The following PHACTR3 variants were observed in gnomAD, a reference collection of about 807,000 sequenced individuals.
The protein encoded by PHACTR3 is phosphatase and actin regulator 3.
In PHACTR3, 16 loss-of-function variants were observed where a neutral mutation model predicts 66.8. That is an observed-to-expected ratio of 0.24 (90% CI 0.16 to 0.36). The LOEUF (loss-of-function observed/expected upper bound fraction) is 0.36. Among genes scored for constraint, PHACTR3 ranks in the 10% least tolerant of loss-of-function variants. The probability of loss-of-function intolerance (pLI) is 1.00; values close to 1 mark genes in which losing one functional copy is unlikely to be tolerated. For synonymous variants in PHACTR3, 323 were observed against 292.1 expected, an observed-to-expected ratio of 1.11 and a Z score of -1.08; for missense variants, 647 against 719.9, an observed-to-expected ratio of 0.90 and a Z score of 1.16.
intron 1 of PHACTR3, among the ~76,000 whole-genome samples, chr20:59,648,722 T>C (rs1006773007): frequency 6.6e-6 from 1 of 152,170 alleles, no homozygotes; most frequent in Non-Finnish European, 1.5e-5. Context: ...GCCATGTCCT[T>C]TTGGCACTAA....
intron 9 of PHACTR3, 21 bp from the exon 10 acceptor site, chr20:59,840,348 T>C (rs1568875433): frequency 1.9e-6 from 3 of 1,597,624 alleles, no homozygotes; most frequent in African/African-American, 2.7e-5. Flanking sequence ...ATTTTTTTTT[T>C]CCTATTTTAA....
At chr20:59,780,969 G>T (rs1425173680) in intron 7 of PHACTR3, among the ~76,000 whole-genome samples, 1 of 152,178 alleles carries the variant, frequency 6.6e-6, no homozygotes, top group African/African-American at 2.4e-5. Flanking sequence ...CATCATCACT[G>T]TGGTTAAGGA....
intron 1 of PHACTR3, among the ~76,000 whole-genome samples, chr20:59,625,528 G>T (rs1332626762): frequency 6.6e-6 from 1 of 152,178 alleles, no homozygotes; most frequent in African/African-American, 2.4e-5. Context: ...AAAATTAAGA[G>T]ATATCATTTG....
At chr20:59,776,003 G>A (rs1038560445) in intron 7 of PHACTR3, among the ~76,000 whole-genome samples, 3 of 152,202 alleles carry the variant, frequency 2.0e-5, no homozygotes, top group African/African-American at 7.2e-5. Context: ...TTGGCCAGAT[G>A]CCCCTGAGGG....
In PHACTR3 at chr20:59,643,046, G is replaced by A. The variant is rs563349698; in HGVS notation, c.118+37914G>A. ...CCTGCCTCAGCTTCCTGAGTAGCTG[G>A]GACTACAGGTGCCCGCCACCATGCC... On this transcript the variant is annotated intron_variant, in intron 1 of 12. Transcript: ENST00000371015. Among the ~76,000 whole-genome samples, 3 of 152,228 alleles carry A rather than the reference G, an allele frequency of 2.0e-5. No homozygotes were observed. The South Asian group carries it at 6.2e-4, about 32-fold the overall frequency.
intron 1 of PHACTR3, among the ~76,000 whole-genome samples, chr20:59,690,439 C>T (rs1334347394): frequency 6.6e-6 from 1 of 152,210 alleles, no homozygotes; most frequent in Non-Finnish European, 1.5e-5. Context: ...CTGGTTTGCT[C>T]TCTCTCTTCC....
chr20:59,778,620 G>A lies in PHACTR3; in HGVS notation c.1174+4130G>A, dbSNP rs373549914. ...GCCTCTCTACCAGCACATGGGCTCC[G>A]CGAGACCAAGTCTTCGCCTCTGTAG... On this transcript the variant is annotated intron_variant, in intron 7 of 12. Transcript: ENST00000371015. 6.0e-4 allele frequency among the ~76,000 whole-genome samples: 92 copies of A among 152,324 alleles called. 2 individuals carry two copies. The South Asian group carries it at 0.017, about 28-fold the overall frequency.
chr20:59,683,072 G>A (rs1037143315), intron 1 of PHACTR3, among the ~76,000 whole-genome samples: 6 of 152,218 alleles, frequency 3.9e-5, no homozygotes, highest in Non-Finnish European at 5.9e-5. Flanking sequence ...GGTTGTGGAC[G>A]TGGACACTTC....
At chr20:59,844,335 G>C (rs920342162) in intron 11 of PHACTR3, 5 of 152,068 alleles carry the variant, frequency 3.3e-5, no homozygotes, top group Non-Finnish European at 7.4e-5. Flanking sequence ...AATCAAATCA[G>C]TACATTGAAG....
intron 7 of PHACTR3, among the ~76,000 whole-genome samples, chr20:59,800,475 G>C (rs1156230938): frequency 1.3e-5 from 2 of 152,004 alleles, no homozygotes; most frequent in Non-Finnish European, 2.9e-5. Flanking sequence ...CTTTGTAATT[G>C]TTGCTCCACT....
chr20:59,786,372 A>G lies in PHACTR3; in HGVS notation c.1174+11882A>G, dbSNP rs565148007. On this transcript the variant is annotated intron_variant, in intron 7 of 12. Transcript: ENST00000371015. ...ATTACTTTGAGAACCTGACAACTCA[A>G]TGATGTGAGATTGCCTACTCCAAGG... 3.3e-5 allele frequency among the ~76,000 whole-genome samples: 5 copies of G among 152,290 alleles called. No individual in the cohort carries two copies. In the South Asian group the frequency reaches 6.2e-4, roughly 19 times the overall value.
Position 59,780,704 on chromosome 20 carries a change from C to T in PHACTR3, c.1174+6214C>T, listed in dbSNP as rs572111442. Among the ~76,000 whole-genome samples the T allele has an allele frequency of 1.3e-4, 20 of 152,306 alleles. No homozygotes were observed. The East Asian group carries it at 3.3e-3, about 25-fold the overall frequency. ...CTGTCTGTGCAGCTGGGTGGGCCTC[C>T]GTCTCTGGGGCTTACTCTGCGTAGA... On this transcript the variant is annotated intron_variant, in intron 7 of 12. Coordinates refer to ENST00000371015, the MANE Select transcript of PHACTR3 (RefSeq NM_080672.5).
chr20:59,840,283 C>G, intron 9 of PHACTR3, 86 bp from the exon 10 acceptor site: 2 of 1,523,194 alleles, frequency 1.3e-6, no homozygotes, highest in Non-Finnish European at 1.8e-6. Flanking sequence ...ATATGGATAT[C>G]TTGGGAACAC....
At chr20:59,620,907 C>T (rs761923582) in intron 1 of PHACTR3, among the ~76,000 whole-genome samples, 14 of 152,310 alleles carry the variant, frequency 9.2e-5, no homozygotes, top group Admixed American at 4.6e-4. Context: ...GCTTCCCCCA[C>T]GCTCCCATGT....
intron 4 of PHACTR3, among the ~76,000 whole-genome samples, chr20:59,763,314 C>T (rs1334517360): frequency 6.6e-6 from 1 of 152,200 alleles, no homozygotes; most frequent in Admixed American, 6.5e-5. Context: ...AACTGTGAGC[C>T]AATTAAACCT....
intron 1 of PHACTR3, among the ~76,000 whole-genome samples, chr20:59,645,137 G>A (rs557691211): frequency 7.9e-5 from 12 of 151,626 alleles, no homozygotes; most frequent in African/African-American, 1.2e-4. Flanking sequence ...CTATTTCTGC[G>A]TTAATTCACT....
At chr20:59,826,566 C>T (rs370545903) in intron 8 of PHACTR3, among the ~76,000 whole-genome samples, 10 of 151,208 alleles carry the variant, frequency 6.6e-5, no homozygotes, top group African/African-American at 2.4e-4. Flanking sequence ...CTGCACACAC[C>T]CTCCTGGCCC....
In PHACTR3 at chr20:59,757,384, T is replaced by G. The variant is rs563159610; in HGVS notation, c.541+2020T>G. On this transcript the variant is annotated intron_variant, in intron 4 of 12. Coordinates refer to ENST00000371015, the MANE Select transcript of PHACTR3 (RefSeq NM_080672.5). ...GAGTGGGTCTGTTGAGATTACACAT[T>G]TGTATCAGGGACCCTCTCCTGAGTG... is the stretch of plus-strand genomic sequence containing the variant. Among the ~76,000 whole-genome samples the G allele has an allele frequency of 8.5e-5, 13 of 152,278 alleles. No individual in the cohort carries two copies. The East Asian group carries it at 2.5e-3, about 29-fold the overall frequency.
chr20:59,635,149 T>TTCTTTCTTTTTC lies in PHACTR3; in HGVS notation c.118+30018_118+30019insCTTTCTTTTTCT, dbSNP rs1555881160. On this transcript the variant is annotated intron_variant, in intron 1 of 12. Transcript: ENST00000371015. ...TTTCTTTCTTTCTTTCTTTCTTTCT[T>TTCTTTCTTTTTC]TTTCTTTCTTTCTTTCTTTCCTTTC... 5.6e-4 allele frequency among the ~76,000 whole-genome samples: 34 copies of TTCTTTCTTTTTC among 60,402 alleles called. 1 individual carries two copies. The East Asian group carries it at 0.015, about 26-fold the overall frequency. The allele number at this position is 60,402 out of a possible 152,430, so 39.6% of individuals were successfully genotyped here.
Sources: allele counts gnomAD v4.1 joint callset (sites outside exome capture counted in the v4.1 genomes callset), GRCh38; gene constraint gnomAD v4.1.1; transcripts MANE v1.5; gene names NCBI Gene and HGNC (gene_info 2026-07-23, HGNC 2026-07-21).